Variants in DPH6 observed in about 807,000 individuals in gnomAD.
DPH6 encodes diphthamine biosynthesis 6.
Under a neutral mutation model 38.2 loss-of-function variants are expected in DPH6, and 33 were observed. That is an observed-to-expected ratio of 0.86 (90% CI 0.65 to 1.15). DPH6 has a LOEUF of 1.15. DPH6 is among the 50% of genes most tolerant of loss of function. DPH6 has a pLI of 0.00. For missense variants in DPH6, 325 were observed against 320.0 expected (o/e 1.02, Z -0.12); for synonymous variants, 108 against 103.0 (o/e 1.05, Z -0.30).
rs562545898 is a variant in DPH6, at chr15:35,498,469, C to A, written c.312+39805G>T. Among the ~76,000 whole-genome samples, 6 of 152,196 alleles carry A rather than the reference C, an allele frequency of 3.9e-5. No homozygotes were observed. In the South Asian group the frequency reaches 1.2e-3, roughly 32 times the overall value. On this transcript the variant is annotated intron_variant, in intron 3 of 8. Coordinates refer to ENST00000256538, the MANE Select transcript of DPH6 (RefSeq NM_080650.4). Reference sequence around the variant, plus strand: ...AAACAGATTTTTGCACAGATCATCACGTGGTTATCAAAGCATAAAGTTAAG... The same window carrying A: ...AAACAGATTTTTGCACAGATCATCAAGTGGTTATCAAAGCATAAAGTTAAG...
intron 3 of DPH6, chr15:35,298,779 C>T (rs1173122802): frequency 7.7e-7 from 1 of 1,301,992 alleles, no homozygotes; most frequent in Non-Finnish European, 1.1e-6. Flanking sequence ...TTGCGCTGGG[C>T]CGGGTTGGAG....
rs199566208 is a variant in DPH6, at chr15:35,407,260, TTA to T, written c.567+3573_567+3574del. ...GGAAAAAGAATTTATGCATTTTTTTTTAAAGAAGGTTTCCAGTGAATTACACC... is the reference window on the plus strand; with the variant it reads ...GGAAAAAGAATTTATGCATTTTTTTTAAGAAGGTTTCCAGTGAATTACACC... On this transcript the variant is annotated intron_variant, in intron 6 of 8. Transcript: ENST00000256538. Among the ~76,000 whole-genome samples the T allele has an allele frequency of 1.5e-3, 209 of 135,376 alleles. 1 individual carries two copies. The highest frequency in any genetic ancestry group is 6.2e-3 in the African/African-American group (203 of 32,676). 88.8% of individuals were successfully genotyped at this position (135,376 alleles called of 152,430 possible). A position where few individuals can be genotyped will look rare whatever the true frequency, so the allele number is the denominator to read the frequency against.
intron 3 of DPH6, among the ~76,000 whole-genome samples, chr15:35,359,721 G>A (rs947066476): frequency 1.3e-5 from 2 of 152,132 alleles, no homozygotes; most frequent in Non-Finnish European, 2.9e-5. Flanking sequence ...AGTTTTGGGC[G>A]GGGGGACTCC....
intron 3 of DPH6, among the ~76,000 whole-genome samples, chr15:35,525,533 G>T (rs1232908439): frequency 6.6e-6 from 1 of 152,058 alleles, no homozygotes; most frequent in Non-Finnish European, 1.5e-5. Context: ...ACTAATTATT[G>T]AGTATTCATG....
the DPH6 span, among the ~76,000 whole-genome samples, chr15:35,164,414 G>A: frequency 6.7e-6 from 1 of 150,152 alleles, no homozygotes; most frequent in East Asian, 1.9e-4. Flanking sequence ...TTATTTTTTG[G>A]AGCAGTGGCA....
At chr15:35,253,683 C>T (rs900445159) in intron 3 of DPH6, among the ~76,000 whole-genome samples, 9 of 152,152 alleles carry the variant, frequency 5.9e-5, no homozygotes, top group Admixed American at 1.3e-4. Context: ...TCAATTTTGA[C>T]GCATCTTTTT....
intron 1 of DPH6, 56 bp from the exon 2 acceptor site, chr15:35,542,563 TA>T: frequency 1.4e-6 from 2 of 1,427,524 alleles, no homozygotes; most frequent in Non-Finnish European, 1.9e-6. Flanking sequence ...TTATTCAACA[TA>T]AAATCACTAG....
the DPH6 span, among the ~76,000 whole-genome samples, chr15:35,177,223 C>T: frequency 5.9e-5 from 9 of 151,914 alleles, no homozygotes; most frequent in African/African-American, 9.7e-5. Context: ...ACATTTCTAC[C>T]GAGACTTCAA....
At chr15:35,413,822 A>T (rs979556344) in intron 5 of DPH6, among the ~76,000 whole-genome samples, 1 of 151,040 alleles carries the variant, frequency 6.6e-6, no homozygotes, top group African/African-American at 2.4e-5. Context: ...AGCTTTATAT[A>T]TTTTTCTTTT....
intron 3 of DPH6, among the ~76,000 whole-genome samples, chr15:35,281,510 A>T (rs946934939): frequency 6.6e-6 from 1 of 152,220 alleles, no homozygotes; most frequent in African/African-American, 2.4e-5. Flanking sequence ...AGGAGACATG[A>T]CTTTTGACCT....
At chr15:35,347,805 A>C (rs1424123807) in intron 3 of DPH6, among the ~76,000 whole-genome samples, 2 of 151,992 alleles carry the variant, frequency 1.3e-5, no homozygotes, top group Non-Finnish European at 2.9e-5. Context: ...CATCTTCAAG[A>C]ACACTTGTTA....
chr15:35,291,725 A>C (rs2051981779), intron 3 of DPH6, among the ~76,000 whole-genome samples: 1 of 152,200 alleles, frequency 6.6e-6, no homozygotes, highest in African/African-American at 2.4e-5. Context: ...TTAAGGTGAT[A>C]GCTCAGCCTT....
exon 4 of DPH6, chr15:35,217,909 C>T (rs1276906187): frequency 2.0e-5 from 3 of 152,160 alleles, no homozygotes; most frequent in African/African-American, 7.2e-5. Context: ...ATACACACAT[C>T]CTCCCTGTAT....
chr15:35,184,935 CAAAGTTTTCCATTGGAACTATGGCACTGA>C, the DPH6 span, among the ~76,000 whole-genome samples: 1 of 152,096 alleles, frequency 6.6e-6, no homozygotes, highest in Non-Finnish European at 1.5e-5. Flanking sequence ...AAGATTTTCC[CAAAGTTTTCCATTGGAACTATGGCACTGA>C]AAACTTCCTG....
At chr15:35,203,225 A>T in the DPH6 span, among the ~76,000 whole-genome samples, 1 of 151,684 alleles carries the variant, frequency 6.6e-6, no homozygotes, top group Admixed American at 6.6e-5. Context: ...TTACTGCTTG[A>T]TTCAGATGTC....
At chr15:35,375,792 G>A (rs1318680993) in intron 7 of DPH6, among the ~76,000 whole-genome samples, 1 of 151,956 alleles carries the variant, frequency 6.6e-6, no homozygotes, top group Non-Finnish European at 1.5e-5. Context: ...AGCCTCCTGA[G>A]GTGTTGGGGT....
chr15:35,169,973 T>C, the DPH6 span, among the ~76,000 whole-genome samples: 3 of 152,220 alleles, frequency 2.0e-5, no homozygotes, highest in Non-Finnish European at 2.9e-5. Context: ...TACAATTTAA[T>C]TGGCAAATAT....
intron 3 of DPH6, among the ~76,000 whole-genome samples, chr15:35,250,570 G>GAATATTTTA (rs1595446565): frequency 6.6e-6 from 1 of 152,198 alleles, no homozygotes; most frequent in East Asian, 1.9e-4. Context: ...TAATATTGCT[G>GAATATTTTA]AATATTTTGA....
At chr15:35,155,861 C>T in the DPH6 span, among the ~76,000 whole-genome samples, 1 of 152,026 alleles carries the variant, frequency 6.6e-6, no homozygotes, top group Non-Finnish European at 1.5e-5. Flanking sequence ...TAAAGTAGAC[C>T]ACTATTTTTT....
Sources: allele counts gnomAD v4.1 joint callset (sites outside exome capture counted in the v4.1 genomes callset), GRCh38; gene constraint gnomAD v4.1.1; transcripts MANE v1.5; gene names NCBI Gene and HGNC (gene_info 2026-07-23, HGNC 2026-07-21).